The following ADCY10 variants were observed in gnomAD, a reference collection of about 807,000 sequenced individuals.
ADCY10 encodes adenylate cyclase 10.
In ADCY10, 156 loss-of-function variants were observed where a neutral mutation model predicts 183.3. That is an observed-to-expected ratio of 0.85 (90% CI 0.75 to 0.97). ADCY10 has a LOEUF of 0.97. Among genes scored for constraint, ADCY10 ranks in the 50% least tolerant of loss-of-function variants. The pLI, the probability that ADCY10 is intolerant of heterozygous loss-of-function variation, is 0.00. For synonymous variants in ADCY10, 645 were observed against 670.0 expected, an observed-to-expected ratio of 0.96 and a Z score of 0.58; for missense variants, 1,745 against 1,934.3, an observed-to-expected ratio of 0.90 and a Z score of 1.84.
intron 26 of ADCY10, among the ~76,000 whole-genome samples, chr1:167,826,433 C>T (rs905724952): frequency 1.3e-5 from 2 of 152,214 alleles, no homozygotes; most frequent in Non-Finnish European, 2.9e-5. Flanking sequence ...TGGTTCTTTC[C>T]ATTCTCCCAT....
chr1:167,911,527 T>A (rs1164567773), intron 1 of ADCY10, among the ~76,000 whole-genome samples: 1 of 152,226 alleles, frequency 6.6e-6, no homozygotes, highest in Non-Finnish European at 1.5e-5. Context: ...CTCCTCTACC[T>A]TTGCCTCTTT....
intron 25 of ADCY10, among the ~76,000 whole-genome samples, chr1:167,831,160 G>T (rs1007718315): frequency 2.6e-5 from 4 of 151,960 alleles, no homozygotes; most frequent in Admixed American, 2.6e-4. Context: ...TTTTTTAAAG[G>T]TTCTTAGGAA....
chr1:167,909,094 C>A (rs1013218842), intron 1 of ADCY10, among the ~76,000 whole-genome samples: 1 of 152,180 alleles, frequency 6.6e-6, no homozygotes, highest in South Asian at 2.1e-4. Flanking sequence ...CTGAAGGTAA[C>A]CTTTCTTATT....
intron 9 of ADCY10, among the ~76,000 whole-genome samples, chr1:167,882,289 C>T (rs1186663768): frequency 6.6e-6 from 1 of 151,914 alleles, no homozygotes; most frequent in Admixed American, 6.6e-5. Context: ...ATTCGAGACC[C>T]ACCTGGCCAA....
chr1:167,887,073 T>C (rs1180551058), intron 8 of ADCY10, among the ~76,000 whole-genome samples: 4 of 151,992 alleles, frequency 2.6e-5, no homozygotes. Context: ...TGTGGAGAAA[T>C]AGGAACACTT....
intron 18 of ADCY10, among the ~76,000 whole-genome samples, chr1:167,849,924 C>T (rs1665338707): frequency 6.6e-6 from 1 of 152,044 alleles, no homozygotes; most frequent in African/African-American, 2.4e-5. Context: ...AAGTGCAGGG[C>T]CTGGAGTGCT....
At chr1:167,870,144 A>C in intron 14 of ADCY10, 113 bp downstream of exon 14, 1 of 1,204,866 alleles carries the variant, frequency 8.3e-7, no homozygotes, top group Non-Finnish European at 1.2e-6. Flanking sequence ...ATGGCATCCA[A>C]TAATTGTAGG....
rs746507234 is a variant in ADCY10 at position 167,902,059 on chromosome 1, GA to G, written c.254-6del. 219,531 of 1,179,814 alleles carry G rather than the reference GA, an allele frequency of 0.19. 4,266 individuals are homozygous for G. Among genetic ancestry groups the G allele is most frequent in the Admixed American group, 0.3 (15,075 of 49,500 alleles). 73.1% of individuals were successfully genotyped at this position (1,179,814 alleles called of 1,614,324 possible). On this transcript the variant is annotated splice_polypyrimidine_tract_variant and splice_region_variant and intron_variant, in intron 3 of 32. Coordinates refer to ENST00000367851, the MANE Select transcript of ADCY10 (RefSeq NM_018417.6). ...CTCCTCCAAAAATCAACACTTCTGA[GA>G]AAAAAAAAAAAAATTAAATCAAACC...
intron 23 of ADCY10, chr1:167,834,459 C>A: frequency 3.4e-6 from 1 of 292,064 alleles, no homozygotes; most frequent in South Asian, 4.2e-5. Context: ...TGAACAGCAT[C>A]CCCACATCTG....
intron 18 of ADCY10, among the ~76,000 whole-genome samples, chr1:167,849,603 G>GT (rs1484021089): frequency 6.6e-6 from 1 of 152,214 alleles, no homozygotes; most frequent in Non-Finnish European, 1.5e-5. Flanking sequence ...GGCTATCAAT[G>GT]TGAATAACAC....
chr1:167,883,340 T>A, intron 9 of ADCY10, 97 bp downstream of exon 9: 1 of 1,394,602 alleles, frequency 7.2e-7, no homozygotes, highest in Non-Finnish European at 1.0e-6. Flanking sequence ...GCCCAGCCTC[T>A]AGGTTAAATT....
chr1:167,879,482 T>C (rs539337601), intron 11 of ADCY10, among the ~76,000 whole-genome samples: 7 of 152,280 alleles, frequency 4.6e-5, no homozygotes, highest in South Asian at 2.1e-4. Flanking sequence ...TGAATTTCCA[T>C]ATACCCATCA....
At chr1:167,868,730 C>T (rs746585303) in intron 14 of ADCY10, among the ~76,000 whole-genome samples, 1 of 152,174 alleles carries the variant, frequency 6.6e-6, no homozygotes, top group African/African-American at 2.4e-5. Flanking sequence ...CCGCGAAAAG[C>T]GAAACATAGC....
intron 26 of ADCY10, among the ~76,000 whole-genome samples, chr1:167,825,169 G>C (rs1663189847): frequency 6.6e-6 from 1 of 152,200 alleles, no homozygotes; most frequent in East Asian, 1.9e-4. Context: ...AGGCTGCAAG[G>C]ATACACTCCA....
intron 31 of ADCY10, among the ~76,000 whole-genome samples, chr1:167,813,682 G>A (rs7513672): frequency 0.17 from 25,165 of 152,076 alleles, 2,226 homozygotes; most frequent in African/African-American, 0.21. Flanking sequence ...TGTTTTCTAC[G>A]TTTTTAAGAG....
intron 21 of ADCY10, among the ~76,000 whole-genome samples, chr1:167,842,763 G>A (rs1445217287): frequency 1.3e-5 from 2 of 152,258 alleles, no homozygotes; most frequent in East Asian, 1.9e-4. Flanking sequence ...GAGAGGGGCC[G>A]AGGAGTGGTG....
At chr1:167,870,492 CCTT>C (rs1667023943) in intron 13 of ADCY10, 82 bp from the exon 14 acceptor site, 6 of 1,274,666 alleles carry the variant, frequency 4.7e-6, no homozygotes, top group Non-Finnish European at 6.6e-6. Context: ...TAGAAACCCT[CCTT>C]CTAAAAATAT....
At chr1:167,853,305 T>C (rs977377320) in intron 18 of ADCY10, among the ~76,000 whole-genome samples, 6 of 152,130 alleles carry the variant, frequency 3.9e-5, no homozygotes, top group African/African-American at 1.2e-4. Context: ...CTATTCCTCC[T>C]GCTAAATATA....
intron 12 of ADCY10, 75 bp downstream of exon 12, chr1:167,878,371 G>A: frequency 2.6e-6 from 4 of 1,515,456 alleles, no homozygotes; most frequent in Non-Finnish European, 3.7e-6. Flanking sequence ...AATCTTAAAT[G>A]GGTGACTGCT....
Sources: allele counts gnomAD v4.1 joint callset (sites outside exome capture counted in the v4.1 genomes callset), GRCh38; gene constraint gnomAD v4.1.1; transcripts MANE v1.5; gene names NCBI Gene and HGNC (gene_info 2026-07-23, HGNC 2026-07-21).